Variants in THADA observed in about 807,000 individuals in gnomAD.
THADA encodes the protein tRNA (32-2'-O)-methyltransferase regulator THADA.
In THADA, 213 loss-of-function variants were observed where a neutral mutation model predicts 219.8. The observed-to-expected ratio is 0.97, with a 90% CI of 0.87 to 1.09. The LOEUF (loss-of-function observed/expected upper bound fraction) is 1.09. THADA is among the 50% of genes least tolerant of loss of function. The pLI, the probability that THADA is intolerant of heterozygous loss-of-function variation, is 0.00. For missense variants in THADA, 2,956 were observed against 2,311.3 expected (o/e 1.28, Z -5.72); for synonymous variants, 1,018 against 828.9 (o/e 1.23, Z -3.92).
intron 31 of THADA, among the ~76,000 whole-genome samples, chr2:43,293,657 T>C (rs1459965478): frequency 6.6e-6 from 1 of 152,236 alleles, no homozygotes; most frequent in East Asian, 1.9e-4. Flanking sequence ...TATTCCATTG[T>C]TAGTAGATCT....
At chr2:43,288,877 C>T (rs1674361212) in intron 34 of THADA, among the ~76,000 whole-genome samples, 1 of 152,222 alleles carries the variant, frequency 6.6e-6, no homozygotes, top group East Asian at 1.9e-4. Context: ...TATGTGCAAT[C>T]ACCACCACGG....
intron 22 of THADA, among the ~76,000 whole-genome samples, chr2:43,520,438 A>G (rs1230719274): frequency 6.6e-6 from 1 of 152,130 alleles, no homozygotes; most frequent in East Asian, 1.9e-4. Flanking sequence ...TTGTAATCCC[A>G]ACACTTTGGG....
chr2:43,232,296 A>G (rs909627502), intron 37 of THADA, among the ~76,000 whole-genome samples: 6 of 151,740 alleles, frequency 4.0e-5, no homozygotes, highest in African/African-American at 1.5e-4. Context: ...CTCCTGCCTC[A>G]GCCTCCCGAG....
At chr2:43,374,991 A>T (rs1671210269) in intron 29 of THADA, among the ~76,000 whole-genome samples, 3 of 151,974 alleles carry the variant, frequency 2.0e-5, no homozygotes. Context: ...TGACAAAGAC[A>T]GCTTTCAGTC....
chr2:43,420,414 C>G (rs1188501525), intron 28 of THADA, among the ~76,000 whole-genome samples: 1 of 152,218 alleles, frequency 6.6e-6, no homozygotes, highest in Non-Finnish European at 1.5e-5. Flanking sequence ...TTAACAAATA[C>G]TTGGTTACTC....
At chr2:43,269,972 T>C (rs988364122) in intron 36 of THADA, among the ~76,000 whole-genome samples, 2 of 152,180 alleles carry the variant, frequency 1.3e-5, no homozygotes, top group Non-Finnish European at 2.9e-5. Flanking sequence ...CCAGTGTTGC[T>C]GGAGTTCCTC....
chr2:43,416,585 T>C (rs538499502), intron 28 of THADA, among the ~76,000 whole-genome samples: 2 of 152,294 alleles, frequency 1.3e-5, no homozygotes, highest in South Asian at 4.1e-4. Context: ...GTGGCATCTC[T>C]TGGGGGCTGG....
intron 36 of THADA, among the ~76,000 whole-genome samples, chr2:43,236,528 G>A (rs1435414866): frequency 6.6e-6 from 1 of 152,172 alleles, no homozygotes; most frequent in African/African-American, 2.4e-5. Flanking sequence ...AAGGAAACAA[G>A]AAAGCAAGCA....
At chr2:43,498,759 G>A in intron 25 of THADA, 74 bp downstream of exon 25, 3 of 1,432,326 alleles carry the variant, frequency 2.1e-6, no homozygotes, top group South Asian at 1.5e-5. Context: ...TTATCACCCA[G>A]TGAAAGATTA....
At chr2:43,265,930 AACACACACAC>A (rs56173099) in intron 36 of THADA, among the ~76,000 whole-genome samples, 16,693 of 124,502 alleles carry the variant, frequency 0.13, 944 homozygotes, top group East Asian at 0.17. Context: ...TTACTTTTGA[AACACACACAC>A]ACACACACAC....
At chr2:43,447,258 A>G (rs1681697436) in intron 26 of THADA, among the ~76,000 whole-genome samples, 1 of 152,164 alleles carries the variant, frequency 6.6e-6, no homozygotes, top group African/African-American at 2.4e-5. Flanking sequence ...ATTCAAGATG[A>G]GATTTGGATG....
At chr2:43,503,199 T>A (rs918234359) in intron 24 of THADA, among the ~76,000 whole-genome samples, 23 of 152,176 alleles carry the variant, frequency 1.5e-4, no homozygotes, top group Admixed American at 1.4e-3. Context: ...AACCCTGCAA[T>A]TCTACTTCTA....
intron 31 of THADA, among the ~76,000 whole-genome samples, chr2:43,309,380 T>A (rs767209717): frequency 6.6e-6 from 1 of 152,210 alleles, no homozygotes; most frequent in Non-Finnish European, 1.5e-5. Context: ...CGAACACTTC[T>A]ATGTGAATGT....
chr2:43,236,862 C>A (rs1668084430), intron 36 of THADA, among the ~76,000 whole-genome samples: 2 of 149,558 alleles, frequency 1.3e-5, no homozygotes, highest in Non-Finnish European at 3.0e-5. Flanking sequence ...GATATCGAGA[C>A]CATCCTGGCT....
intron 31 of THADA, among the ~76,000 whole-genome samples, chr2:43,316,177 A>C (rs1269557559): frequency 6.6e-6 from 1 of 152,176 alleles, no homozygotes; most frequent in African/African-American, 2.4e-5. Context: ...AACTCTGTTC[A>C]ACCACTTCCT....
chr2:43,509,391 A>T (rs1690105201), intron 22 of THADA, among the ~76,000 whole-genome samples: 1 of 152,318 alleles, frequency 6.6e-6, no homozygotes, highest in East Asian at 1.9e-4. Context: ...AAGTACATTT[A>T]ATTTTTATAA....
intron 29 of THADA, among the ~76,000 whole-genome samples, chr2:43,366,728 C>A (rs1448640278): frequency 6.6e-6 from 1 of 152,136 alleles, no homozygotes; most frequent in Non-Finnish European, 1.5e-5. Flanking sequence ...ATGGTAGCTC[C>A]TCAAAACATT....
intron 25 of THADA, among the ~76,000 whole-genome samples, chr2:43,497,766 TC>T (rs1435315412): frequency 6.6e-6 from 1 of 152,034 alleles, no homozygotes; most frequent in Non-Finnish European, 1.5e-5. Flanking sequence ...CCACTTGTAG[TC>T]CCAGCTACTC....
intron 26 of THADA, among the ~76,000 whole-genome samples, chr2:43,461,178 T>C (rs570902914): frequency 6.6e-6 from 1 of 152,300 alleles, no homozygotes; most frequent in East Asian, 1.9e-4. Flanking sequence ...AGGAGTAACA[T>C]AATGAACTGT....
Sources: allele counts gnomAD v4.1 joint callset (sites outside exome capture counted in the v4.1 genomes callset), GRCh38; gene constraint gnomAD v4.1.1; transcripts MANE v1.5; gene names NCBI Gene and HGNC (gene_info 2026-07-23, HGNC 2026-07-21).